ARL15: variants seen among roughly 807,000 people sequenced by gnomAD.
ARL15 encodes the protein ADP-ribosylation factor-like protein 15.
Under a neutral mutation model 25.2 loss-of-function variants are expected in ARL15, and 19 were observed. The observed-to-expected ratio is 0.75, with a 90% CI of 0.53 to 1.10. The LOEUF (loss-of-function observed/expected upper bound fraction) is 1.10. Ranked by LOEUF, ARL15 falls within the 50% of genes least tolerant of loss-of-function variation. ARL15 has a pLI of 0.00. For missense variants in ARL15, 220 were observed against 246.0 expected, an observed-to-expected ratio of 0.89 and a Z score of 0.71; for synonymous variants, 94 against 86.8, an observed-to-expected ratio of 1.08 and a Z score of -0.46.
At chr5:54,164,467 C>T (rs1213892461) in intron 2 of ARL15, among the ~76,000 whole-genome samples, 6 of 151,974 alleles carry the variant, frequency 3.9e-5, no homozygotes, top group Non-Finnish European at 4.4e-5. Context: ...AAACTGACGT[C>T]GCTGATTGTA....
intron 4 of ARL15, among the ~76,000 whole-genome samples, chr5:54,021,449 C>A (rs947257335): frequency 6.6e-6 from 1 of 152,254 alleles, no homozygotes; most frequent in Non-Finnish European, 1.5e-5. Flanking sequence ...CAAATATAAA[C>A]TTTAGAACTA....
At chr5:54,119,900 A>G (rs1166405460) in intron 3 of ARL15, among the ~76,000 whole-genome samples, 1 of 152,076 alleles carries the variant, frequency 6.6e-6, no homozygotes, top group Non-Finnish European at 1.5e-5. Flanking sequence ...AATTTCTAAA[A>G]ATCTTCTGGT....
chr5:54,091,669 T>C (rs1016146623), intron 4 of ARL15, among the ~76,000 whole-genome samples: 3 of 152,098 alleles, frequency 2.0e-5, no homozygotes, highest in Non-Finnish European at 2.9e-5. Flanking sequence ...CAACTGACAG[T>C]CGGGCTTGTG....
At position 54,143,073 on chromosome 5, in the gene ARL15, G is replaced by T. The variant is rs182750129; in HGVS notation, c.253+11507C>A. ...GTAAACATTATATGGATAATTCAAA[G>T]AACATATATTTTCTATTTGATTATA... On this transcript the variant is annotated intron_variant, in intron 3 of 4. Transcript: ENST00000504924. Among the ~76,000 whole-genome samples, 316 of 152,174 alleles carry T rather than the reference G, an allele frequency of 2.1e-3. 2 individuals carry two copies. Among genetic ancestry groups the T allele is most frequent in the Admixed American group, 8.2e-3 (125 of 15,284 alleles).
chr5:54,030,129 C>T lies in ARL15; in HGVS notation c.462+83073G>A, dbSNP rs572750816. Among the ~76,000 whole-genome samples, 183 of 152,196 alleles carry T rather than the reference C, an allele frequency of 1.2e-3. No homozygotes were observed. In the South Asian group the frequency reaches 0.017, roughly 14 times the overall value. ...GCTTGAGGCTGCCATGAGCTATGATCGTGCCACTGTATTCCAGTCTGGGCA... is the reference window on the plus strand; with the variant it reads ...GCTTGAGGCTGCCATGAGCTATGATTGTGCCACTGTATTCCAGTCTGGGCA... On this transcript the variant is annotated intron_variant, in intron 4 of 4. Transcript: ENST00000504924.
At chr5:54,078,520 T>A (rs1316328275) in intron 4 of ARL15, among the ~76,000 whole-genome samples, 1 of 152,232 alleles carries the variant, frequency 6.6e-6, no homozygotes, top group African/African-American at 2.4e-5. Context: ...GAAGGCATAC[T>A]AGTACTCCAC....
In ARL15 at chr5:54,137,722, T is replaced by A. The variant is rs149876304; in HGVS notation, c.253+16858A>T. Among the ~76,000 whole-genome samples, 1,429 of 152,324 alleles carry A rather than the reference T, an allele frequency of 9.4e-3. 12 individuals are homozygous for A. Among genetic ancestry groups the A allele is most frequent in the Non-Finnish European group, 0.015 (1,042 of 68,032 alleles). On this transcript the variant is annotated intron_variant, in intron 3 of 4. Coordinates refer to ENST00000504924, the MANE Select transcript of ARL15 (RefSeq NM_019087.3). Reference sequence around the variant, plus strand: ...TTGTTCACAGAGATATTGTTCCAGATGATAAATGGAGGAGTATGTAAGATT... The same window carrying A: ...TTGTTCACAGAGATATTGTTCCAGAAGATAAATGGAGGAGTATGTAAGATT...
At chr5:54,208,597 T>C (rs1019245602) in intron 1 of ARL15, among the ~76,000 whole-genome samples, 1 of 152,162 alleles carries the variant, frequency 6.6e-6, no homozygotes, top group East Asian at 1.9e-4. Flanking sequence ...TAGAAATAAA[T>C]GGCATCATGA....
chr5:54,134,274 G>C (rs942540602), intron 3 of ARL15, among the ~76,000 whole-genome samples: 1 of 152,136 alleles, frequency 6.6e-6, no homozygotes, highest in Non-Finnish European at 1.5e-5. Flanking sequence ...CATAGTATGG[G>C]ATCATTTCAG....
chr5:54,166,082 A>G (rs1754554688), intron 2 of ARL15, among the ~76,000 whole-genome samples: 1 of 152,138 alleles, frequency 6.6e-6, no homozygotes, highest in African/African-American at 2.4e-5. Flanking sequence ...GGGCACTGGG[A>G]CCCAGCCAGT....
chr5:54,112,333 G>A (rs1008297583), intron 4 of ARL15, among the ~76,000 whole-genome samples: 2 of 152,142 alleles, frequency 1.3e-5, no homozygotes, highest in Admixed American at 1.3e-4. Flanking sequence ...GAGGTCTGGA[G>A]TTAGAACATG....
chr5:54,073,253 C>T (rs976112479), intron 4 of ARL15, among the ~76,000 whole-genome samples: 2 of 152,182 alleles, frequency 1.3e-5, no homozygotes, highest in African/African-American at 2.4e-5. Flanking sequence ...CAATCTGTCA[C>T]TAACAATATG....
chr5:54,127,355 G>A (rs1044092604), intron 3 of ARL15, among the ~76,000 whole-genome samples: 1 of 152,056 alleles, frequency 6.6e-6, no homozygotes, highest in East Asian at 1.9e-4. Flanking sequence ...AAAATCACAA[G>A]CATTCTTATA....
chr5:53,957,897 T>A (rs188003168), intron 4 of ARL15, among the ~76,000 whole-genome samples: 250 of 151,910 alleles, frequency 1.6e-3, no homozygotes, highest in African/African-American at 5.9e-3. Flanking sequence ...ACTCCTCTTT[T>A]TACTTTCTAC....
At chr5:53,894,638 T>C (rs1009817726) in intron 4 of ARL15, among the ~76,000 whole-genome samples, 1 of 152,190 alleles carries the variant, frequency 6.6e-6, no homozygotes, top group Non-Finnish European at 1.5e-5. Flanking sequence ...ATGAAAGACA[T>C]CCAGTATTCC....
intron 1 of ARL15, among the ~76,000 whole-genome samples, chr5:54,284,992 A>G (rs1758150345): frequency 2.6e-5 from 4 of 152,234 alleles, no homozygotes; most frequent in Non-Finnish European, 5.9e-5. Flanking sequence ...TATATTTGCA[A>G]GAAACTATTT....
At chr5:53,930,191 A>T (rs1445543802) in intron 4 of ARL15, among the ~76,000 whole-genome samples, 1 of 152,194 alleles carries the variant, frequency 6.6e-6, no homozygotes, top group African/African-American at 2.4e-5. Flanking sequence ...CTTCCCATCC[A>T]ATATATACTG....
At chr5:53,909,958 C>G (rs1398557479) in intron 4 of ARL15, among the ~76,000 whole-genome samples, 2 of 152,092 alleles carry the variant, frequency 1.3e-5, no homozygotes, top group Non-Finnish European at 2.9e-5. Flanking sequence ...GCTTTTTAAC[C>G]ATCATAGTTA....
At chr5:54,135,755 T>C (rs553349228) in intron 3 of ARL15, among the ~76,000 whole-genome samples, 123 of 152,330 alleles carry the variant, frequency 8.1e-4, no homozygotes, top group Non-Finnish European at 1.3e-3. Flanking sequence ...CAAATTCCTA[T>C]TTGGTGTAAC....
Sources: allele counts gnomAD v4.1 joint callset (sites outside exome capture counted in the v4.1 genomes callset), GRCh38; gene constraint gnomAD v4.1.1; transcripts MANE v1.5; gene names NCBI Gene and HGNC (gene_info 2026-07-23, HGNC 2026-07-21).